SH3D19: variants seen among roughly 807,000 people sequenced by gnomAD.
The protein encoded by SH3D19 is SH3 domain containing 19.
SH3D19 carries 58 observed loss-of-function variants against 112.1 expected under a neutral mutation model. That is an observed-to-expected ratio of 0.52 (90% CI 0.42 to 0.64). SH3D19 has a LOEUF of 0.64. Ranked by LOEUF, SH3D19 falls within the 30% of genes least tolerant of loss-of-function variation. The pLI, the probability that SH3D19 is intolerant of heterozygous loss-of-function variation, is 0.00. For synonymous variants in SH3D19, 391 were observed against 448.5 expected (o/e 0.87, Z 1.62); for missense variants, 1,090 against 1,263.4 (o/e 0.86, Z 2.08).
At chr4:151,225,687 T>G (rs1355130440) in intron 2 of SH3D19, among the ~76,000 whole-genome samples, 1 of 152,176 alleles carries the variant, frequency 6.6e-6, no homozygotes, top group African/African-American at 2.4e-5. Context: ...ATTTCTACAG[T>G]GAGCCTATAT....
intron 2 of SH3D19, among the ~76,000 whole-genome samples, chr4:151,188,297 C>G (rs988370722): frequency 6.6e-6 from 1 of 152,152 alleles, no homozygotes; most frequent in Non-Finnish European, 1.5e-5. Context: ...AAAGATACAA[C>G]TGTTTACAGT....
intron 2 of SH3D19, among the ~76,000 whole-genome samples, chr4:151,219,299 C>A (rs1341233241): frequency 6.6e-6 from 1 of 152,094 alleles, no homozygotes; most frequent in Non-Finnish European, 1.5e-5. Flanking sequence ...TAGCTATAAT[C>A]CCCTTTATCC....
At chr4:151,266,324 G>T (rs942778160) in intron 1 of SH3D19, 1 of 152,146 alleles carries the variant, frequency 6.6e-6, no homozygotes, top group Non-Finnish European at 1.5e-5. Context: ...TGAGTCTAAT[G>T]AATATAAACT....
At chr4:151,241,253 C>T (rs1207217993) in intron 1 of SH3D19, among the ~76,000 whole-genome samples, 1 of 151,940 alleles carries the variant, frequency 6.6e-6, no homozygotes, top group Non-Finnish European at 1.5e-5. Flanking sequence ...GATTGTGCCA[C>T]TGCACTCCAG....
Position 151,282,111 on chromosome 4 carries a change from G to A in SH3D19, c.112+43130C>T, listed in dbSNP as rs569240869. The stretch of plus-strand genomic sequence containing the variant: ...ATAGGCAGCCTGTTCTGACCCAGCT[G>A]CAGGCCATAAGCAGGCCTCCTTTCT... On this transcript the variant is annotated intron_variant, in intron 1 of 19. Coordinates refer to ENST00000604030, the MANE Select transcript of SH3D19 (RefSeq NM_001378122.1). 5 of 1,607,304 alleles carry A rather than the reference G, an allele frequency of 3.1e-6. No individual in the cohort carries two copies. The African/African-American group carries it at 5.3e-5, about 17-fold the overall frequency.
At chr4:151,307,816 G>A (rs1261241607) in intron 1 of SH3D19, among the ~76,000 whole-genome samples, 1 of 152,196 alleles carries the variant, frequency 6.6e-6, no homozygotes, top group East Asian at 1.9e-4. Context: ...AGCAGAAGAG[G>A]GATTTGCCTT....
At position 151,260,626 on chromosome 4, in the gene SH3D19, A is replaced by G. The variant is rs190909480; in HGVS notation, c.113-34540T>C. ...ACTTTTTAAAGTTAGAGGTGAGATA[A>G]CATCACTCCCTGCTTTGAATCCCCC... On this transcript the variant is annotated intron_variant, in intron 1 of 19. Transcript: ENST00000604030. Among the ~76,000 whole-genome samples the G allele has an allele frequency of 1.9e-3, 288 of 152,344 alleles. 2 individuals carry two copies. Among genetic ancestry groups the G allele is most frequent in the South Asian group, 2.3e-3 (11 of 4,822 alleles).
chr4:151,167,690 C>T (rs1435286212), intron 7 of SH3D19, among the ~76,000 whole-genome samples: 1 of 152,158 alleles, frequency 6.6e-6, no homozygotes, highest in African/African-American at 2.4e-5. Flanking sequence ...GCCCGACCGC[C>T]GCCCCATCTG....
At chr4:151,158,545 C>T (rs1269573426) in intron 9 of SH3D19, among the ~76,000 whole-genome samples, 1 of 152,022 alleles carries the variant, frequency 6.6e-6, no homozygotes, top group Non-Finnish European at 1.5e-5. Context: ...GGTAATCCAC[C>T]CGCCTTGGCC....
At chr4:151,200,700 A>G (rs941666210) in intron 2 of SH3D19, among the ~76,000 whole-genome samples, 12 of 152,254 alleles carry the variant, frequency 7.9e-5, no homozygotes, top group African/African-American at 2.2e-4. Context: ...AAAGCATGTT[A>G]TATGTGGAGC....
intron 1 of SH3D19, among the ~76,000 whole-genome samples, chr4:151,230,012 G>T (rs1444164386): frequency 2.0e-5 from 3 of 152,222 alleles, no homozygotes; most frequent in African/African-American, 7.2e-5. Context: ...GGGATGCAAT[G>T]GGGGAACCCA....
intron 19 of SH3D19, among the ~76,000 whole-genome samples, chr4:151,124,614 A>G (rs368512586): frequency 6.6e-6 from 1 of 151,906 alleles, no homozygotes; most frequent in African/African-American, 2.4e-5. Flanking sequence ...GCTACTCAGG[A>G]GGCTGAGGCG....
chr4:151,311,083 C>T (rs1224255541), intron 1 of SH3D19, among the ~76,000 whole-genome samples: 1 of 147,368 alleles, frequency 6.8e-6, no homozygotes, highest in African/African-American at 2.6e-5. Flanking sequence ...CATGGGAGTG[C>T]AGATATCTCT....
chr4:151,308,709 T>C (rs1729154629), intron 1 of SH3D19, among the ~76,000 whole-genome samples: 2 of 152,184 alleles, frequency 1.3e-5, no homozygotes, highest in Admixed American at 6.5e-5. Flanking sequence ...TTAGAAGCCA[T>C]GGAAGCAGAC....
At chr4:151,319,621 T>C (rs1222644770) in intron 1 of SH3D19, among the ~76,000 whole-genome samples, 4 of 152,170 alleles carry the variant, frequency 2.6e-5, no homozygotes, top group East Asian at 1.9e-4. Flanking sequence ...CAACACACAA[T>C]AGAGGTGACT....
rs570055715 is a variant in SH3D19 at position 151,314,944 on chromosome 4, C to T, written c.112+10297G>A. 2.6e-5 allele frequency among the ~76,000 whole-genome samples: 4 copies of T among 152,242 alleles called. No individual in the cohort carries two copies. The South Asian group carries it at 8.3e-4, about 32-fold the overall frequency. On this transcript the variant is annotated intron_variant, in intron 1 of 19. Transcript: ENST00000604030. ...GGTATTCTGTGCAGTTGAGTGAACC[C>T]CCTTTAAAGAACTTTCCTGGCAACC...
At chr4:151,199,571 C>T (rs1306368162) in intron 2 of SH3D19, among the ~76,000 whole-genome samples, 3 of 152,166 alleles carry the variant, frequency 2.0e-5, no homozygotes, top group African/African-American at 7.2e-5. Flanking sequence ...AATAACTCGC[C>T]TGCTGCACAG....
At position 151,200,360 on chromosome 4, in the gene SH3D19, T is replaced by C. The variant is rs562157259; in HGVS notation, c.153-12897A>G. On this transcript the variant is annotated intron_variant, in intron 2 of 19. Coordinates refer to ENST00000604030, the MANE Select transcript of SH3D19 (RefSeq NM_001378122.1). ...GGAGCCAGCTCATGTGAGCTGACAA[T>C]TGAATTTTCAGAAATTTTGCAAGCC... is the stretch of plus-strand genomic sequence containing the variant. Among the ~76,000 whole-genome samples the C allele has an allele frequency of 2.3e-4, 35 of 152,328 alleles. No homozygotes were observed. The South Asian group carries it at 6.6e-3, about 29-fold the overall frequency.
chr4:151,277,301 C>T, intron 1 of SH3D19: 6 of 1,152,992 alleles, frequency 5.2e-6, no homozygotes, highest in Non-Finnish European at 7.0e-6. Context: ...AACAATGTGA[C>T]ACTTCACCCA....
Sources: gnomAD v4.1 joint callset for allele counts (sites outside exome capture counted in the v4.1 genomes callset) on GRCh38, gnomAD v4.1.1 for gene constraint, MANE v1.5 for transcripts, NCBI Gene and HGNC (gene_info 2026-07-23, HGNC 2026-07-21) for gene names.